STRBP: variants seen among roughly 807,000 people sequenced by gnomAD.
STRBP encodes the protein spermatid perinuclear RNA binding protein.
A neutral mutation model predicts 80.1 loss-of-function variants in STRBP; 13 were observed. The ratio of observed to expected loss-of-function variants is 0.16; its 90% CI spans 0.11 to 0.26. The LOEUF (loss-of-function observed/expected upper bound fraction) is 0.26, where lower values mean the gene tolerates loss of function less well. Ranked by LOEUF, STRBP falls within the 10% of genes least tolerant of loss-of-function variation. STRBP has a pLI of 1.00. For synonymous variants in STRBP, 284 were observed against 291.2 expected, an observed-to-expected ratio of 0.98 and a Z score of 0.25; for missense variants, 485 against 815.2, an observed-to-expected ratio of 0.59 and a Z score of 4.93.
chr9:123,250,982 A>T (rs1259236551), intron 1 of STRBP, among the ~76,000 whole-genome samples: 2 of 152,044 alleles, frequency 1.3e-5, no homozygotes, highest in African/African-American at 4.8e-5. Context: ...TTTTTTTTTA[A>T]TTAGCCAGGT....
intron 6 of STRBP, 48 bp from the exon 7 acceptor site, chr9:123,161,116 G>A (rs142499163): frequency 1.6e-5 from 21 of 1,297,780 alleles, no homozygotes; most frequent in South Asian, 8.0e-5. Context: ...TTGACCAAGC[G>A]ATTCCTATCA....
intron 7 of STRBP, 70 bp from the exon 8 acceptor site, chr9:123,160,532 A>G: frequency 1.7e-6 from 2 of 1,202,198 alleles, no homozygotes; most frequent in Non-Finnish European, 2.3e-6. Flanking sequence ...AGTTCTTTCA[A>G]GTGAATACTA....
At chr9:123,204,592 G>C (rs1356501781) in intron 2 of STRBP, among the ~76,000 whole-genome samples, 2 of 152,006 alleles carry the variant, frequency 1.3e-5, no homozygotes, top group Non-Finnish European at 2.9e-5. Flanking sequence ...CTGACTAAAA[G>C]GAAAAAGGGG....
Position 123,110,648 on chromosome 9 carries a change from G to C in STRBP, c.*85-895C>G, listed in dbSNP as rs1302603147. ...ACCAGCTTTCATTTTGCCTCCATAA[G>C]CCCTGGTATGCTGGAAAGGACGTCC... On this transcript the variant is annotated intron_variant and NMD_transcript_variant, in intron 3 of 3. Coordinates refer to the STRBP transcript ENST00000471564. The surrounding 1 kb of genome is among the most constrained non-coding windows in gnomAD (Gnocchi z 4.1). The C allele has an allele frequency of 5.9e-6, 1 of 169,504 alleles. No homozygotes were observed. Among genetic ancestry groups the C allele is most frequent in the African/African-American group, 2.4e-5 (1 of 41,512 alleles). The allele number at this position is 169,504 out of a possible 1,614,324, so 10.5% of individuals were successfully genotyped here.
intron 1 of STRBP, among the ~76,000 whole-genome samples, chr9:123,265,483 A>C (rs1447026408): frequency 6.6e-6 from 1 of 152,192 alleles, no homozygotes; most frequent in Non-Finnish European, 1.5e-5. Flanking sequence ...AACATGATGA[A>C]ATTTATTTCT....
intron 17 of STRBP, 152 bp from the exon 18 acceptor site, chr9:123,128,410 C>A: frequency 1.2e-6 from 1 of 828,074 alleles, no homozygotes; most frequent in South Asian, 1.6e-5. Context: ...TGGTCCCAGT[C>A]TAGCCACTCT....
rs1019735136 is a variant in STRBP, at chr9:123,217,983, G to A, written c.-165+18847C>T. Among the ~76,000 whole-genome samples the A allele has an allele frequency of 7.9e-5, 12 of 151,986 alleles. No individual in the cohort carries two copies. In the East Asian group the frequency reaches 2.3e-3, roughly 29 times the overall value. On this transcript the variant is annotated intron_variant, in intron 2 of 18. Coordinates refer to ENST00000348403, the MANE Select transcript of STRBP (RefSeq NM_018387.5). ...GCAGTTTTTTATTCTTTATAGTTAC[G>A]GTGGAAGCTTAGTTAGCATCCTCAC...
intron 3 of STRBP, among the ~76,000 whole-genome samples, chr9:123,179,906 T>C (rs1186930014): frequency 1.3e-5 from 2 of 152,096 alleles, no homozygotes; most frequent in Non-Finnish European, 2.9e-5. Context: ...ACTCATAAAC[T>C]GCCAAAGACT....
chr9:123,158,020 T>A lies in STRBP; in HGVS notation c.1037A>T (p.Asp346Val), dbSNP rs1197947641. 6.2e-7 allele frequency: 1 copy of A among 1,610,560 alleles called. No homozygotes were observed. Among genetic ancestry groups the A allele is most frequent in the South Asian group, 1.1e-5 (1 of 90,770 alleles). ...AAAACTTCCATGCTCACCTTCTTTATCAGTAACTGACCAGGAATACTTCTG... is the reference window on the plus strand; with the variant it reads ...AAAACTTCCATGCTCACCTTCTTTAACAGTAACTGACCAGGAATACTTCTG... Reference protein sequence around the residue: ...PFQKYSWSVTDKEGAGSSALK... With the variant: ...PFQKYSWSVTVKEGAGSSALK... Residue 346 changes from aspartate to valine, a missense_variant, in exon 11 of 19, where the codon GAT becomes GTT. This residue lies in a region of STRBP where 377 missense variants were observed against 616.1 expected (regional missense o/e 0.61). Coordinates refer to ENST00000348403, the MANE Select transcript of STRBP (RefSeq NM_018387.5).
intron 1 of STRBP, among the ~76,000 whole-genome samples, chr9:123,263,102 A>G (rs1207126996): frequency 6.6e-6 from 1 of 152,252 alleles, no homozygotes; most frequent in African/African-American, 2.4e-5. Context: ...CAATCTTCCA[A>G]TAAAAGGACC....
chr9:123,209,872 A>C (rs1273437442), intron 2 of STRBP, among the ~76,000 whole-genome samples: 2 of 152,208 alleles, frequency 1.3e-5, no homozygotes, highest in South Asian at 2.1e-4. Flanking sequence ...CACACACACA[A>C]ATTTATTCAT....
intron 1 of STRBP, among the ~76,000 whole-genome samples, chr9:123,247,646 G>C (rs140159149): frequency 3.6e-4 from 55 of 152,234 alleles, no homozygotes; most frequent in Non-Finnish European, 6.3e-4. Context: ...TTATAAAATG[G>C]AAACACCATC....
At chr9:123,159,921 G>A (rs1271265339) in intron 8 of STRBP, among the ~76,000 whole-genome samples, 7 of 152,260 alleles carry the variant, frequency 4.6e-5, no homozygotes, top group African/African-American at 1.7e-4. Context: ...ATTTGTAAAT[G>A]TCTCCACTCA....
chr9:123,172,943 T>C (rs536075997), intron 5 of STRBP, among the ~76,000 whole-genome samples: 1 of 152,154 alleles, frequency 6.6e-6, no homozygotes, highest in Non-Finnish European at 1.5e-5. Flanking sequence ...CAAACTAATA[T>C]AAAATTATCA....
chr9:123,211,548 C>CA (rs757455942), intron 2 of STRBP, among the ~76,000 whole-genome samples: 9 of 152,044 alleles, frequency 5.9e-5, no homozygotes, highest in Non-Finnish European at 1.3e-4. Context: ...GAAACTATGT[C>CA]ATAAACAAGG....
chr9:123,142,407 A>T (rs2036626361), intron 13 of STRBP, among the ~76,000 whole-genome samples: 2 of 152,198 alleles, frequency 1.3e-5, no homozygotes, highest in Non-Finnish European at 2.9e-5. Context: ...CTTTCTGTAC[A>T]GTCTGCAGAA....
At position 123,124,196 on chromosome 9, in the gene STRBP, A is replaced by G; in HGVS notation, c.*1401T>C. The G allele has an allele frequency of 1.0e-6, 1 of 985,462 alleles. No homozygotes were observed. Among genetic ancestry groups the G allele is most frequent in the Non-Finnish European group, 1.2e-6 (1 of 829,940 alleles). The allele number at this position is 985,462 out of a possible 1,614,324, so 61.0% of individuals were successfully genotyped here. On this transcript the variant is annotated 3_prime_UTR_variant, in exon 19 of 19. Transcript: ENST00000348403. ...CATGGATGGGCCCTGTCAAGTTCCC[A>G]AAAGCAGAACTGAATAGGGAAAATG... is the stretch of plus-strand genomic sequence containing the variant.
intron 2 of STRBP, among the ~76,000 whole-genome samples, chr9:123,220,335 A>G (rs954325226): frequency 6.6e-6 from 1 of 152,220 alleles, no homozygotes; most frequent in African/African-American, 2.4e-5. Context: ...CTAGGTTATT[A>G]TAGCCTATTG....
intron 3 of STRBP, among the ~76,000 whole-genome samples, chr9:123,182,940 A>G (rs1025438805): frequency 6.6e-6 from 1 of 150,822 alleles, no homozygotes; most frequent in African/African-American, 2.5e-5. Flanking sequence ...TTTGAGCCCA[A>G]GGAGTTGGAG....
Sources: allele counts gnomAD v4.1 joint callset (sites outside exome capture counted in the v4.1 genomes callset), GRCh38; gene constraint gnomAD v4.1.1; regional missense constraint gnomAD v4.1.1; non-coding constraint Gnocchi (gnomAD v3.1); transcripts MANE v1.5; gene names NCBI Gene and HGNC (gene_info 2026-07-23, HGNC 2026-07-21).